CNDP1: variants seen among roughly 807,000 people sequenced by gnomAD.
The protein encoded by CNDP1 is carnosine dipeptidase 1.
Under a neutral mutation model 58.1 loss-of-function variants are expected in CNDP1, and 44 were observed. The observed-to-expected ratio is 0.76, with a 90% CI of 0.60 to 0.97. The LOEUF is 0.97. Ranked by LOEUF, CNDP1 falls within the 50% of genes least tolerant of loss-of-function variation. The pLI is 0.00. For synonymous variants in CNDP1, 254 were observed against 252.6 expected, an observed-to-expected ratio of 1.01 and a Z score of -0.05; for missense variants, 616 against 655.1, an observed-to-expected ratio of 0.94 and a Z score of 0.65.
intron 11 of CNDP1, 80 bp from the exon 12 acceptor site, chr18:74,584,416 G>C: frequency 1.0e-6 from 1 of 960,786 alleles, no homozygotes; most frequent in Non-Finnish European, 1.7e-6. Context: ...AAATCTTCCT[G>C]TCTAAATGAC....
chr18:74,578,261 C>T lies in CNDP1; in HGVS notation c.1101C>T (p.Gly367=). ...CTGGAACTAAAACAGTCATACCTGG[C>T]CGAGTTATAGGAAAATTTTCAATCC... The part of the protein sequence containing the change: ...DEPGTKTVIP[G]RVIGKFSIRL... Residue 367 remains glycine (G), a synonymous_variant, in exon 9 of 12, where the codon GGC becomes GGT. Transcript: ENST00000358821. 6.2e-7 allele frequency: 1 copy of T among 1,613,878 alleles called. No homozygotes were observed. The highest frequency in any genetic ancestry group is 1.1e-5 in the South Asian group (1 of 91,044).
Position 74,584,655 on chromosome 18 carries a change from T to G in CNDP1, c.*93T>G. On this transcript the variant is annotated 3_prime_UTR_variant, in exon 12 of 12. Transcript: ENST00000358821. ...ATGGAATGTAAATATCCAGAGAATT[T>G]GGGTCTAGTATAGTACATTTTCCCT... The G allele has an allele frequency of 9.9e-7, 1 of 1,007,078 alleles. No individual in the cohort carries two copies. The highest frequency in any genetic ancestry group is 1.6e-6 in the Non-Finnish European group (1 of 630,748). The allele number at this position is 1,007,078 out of a possible 1,614,324, so 62.4% of individuals were successfully genotyped here. A position where few individuals can be genotyped will look rare whatever the true frequency, so the allele number is the denominator to read the frequency against.
intron 7 of CNDP1, among the ~76,000 whole-genome samples, chr18:74,575,540 C>G (rs1392865257): frequency 6.6e-6 from 1 of 152,162 alleles, no homozygotes; most frequent in Admixed American, 6.5e-5. Context: ...TTTACTAAAT[C>G]TCAACATCTG....
At chr18:74,544,465 C>T (rs1980705723) in intron 1 of CNDP1, among the ~76,000 whole-genome samples, 2 of 151,838 alleles carry the variant, frequency 1.3e-5, no homozygotes, top group South Asian at 4.2e-4. Flanking sequence ...GCCTGTAATC[C>T]CAGCACTTTG....
At chr18:74,555,779 G>A (rs867251965) in intron 1 of CNDP1, among the ~76,000 whole-genome samples, 14 of 152,046 alleles carry the variant, frequency 9.2e-5, no homozygotes, top group South Asian at 4.2e-4. Flanking sequence ...CGCCCACCTC[G>A]ACCTCCCAAA....
chr18:74,536,476 T>C (rs530394012), intron 1 of CNDP1, among the ~76,000 whole-genome samples: 2 of 152,364 alleles, frequency 1.3e-5, no homozygotes, highest in African/African-American at 4.8e-5. Flanking sequence ...GATCTCATTC[T>C]TTTTTATGGC....
rs142460182 is a variant in CNDP1, at chr18:74,573,015, T to A, written c.841+1745T>A. On this transcript the variant is annotated intron_variant, in intron 7 of 11. Transcript: ENST00000358821. ...CATCATTTTTAGTTGCACAGCTTTC[T>A]CCTTCATTCTCCCAAACTGAATAAT... Among the ~76,000 whole-genome samples the A allele has an allele frequency of 5.9e-3, 894 of 152,258 alleles. 5 individuals are homozygous for A. The highest frequency in any genetic ancestry group is 0.017 in the Middle Eastern group (5 of 294).
rs552506967 is a variant in CNDP1, at chr18:74,559,992, C to T, written c.303+520C>T. On this transcript the variant is annotated intron_variant, in intron 3 of 11. Coordinates refer to ENST00000358821, the MANE Select transcript of CNDP1 (RefSeq NM_032649.6). ...CTAGGATTTGTCCACCTAATTTAAGCCAGTTGTCATCTGCATTCTTTTTTT... is the reference window on the plus strand; with the variant it reads ...CTAGGATTTGTCCACCTAATTTAAGTCAGTTGTCATCTGCATTCTTTTTTT... Among the ~76,000 whole-genome samples the T allele has an allele frequency of 7.2e-4, 106 of 146,216 alleles. 1 individual carries two copies. Among genetic ancestry groups the T allele is most frequent in the African/African-American group, 2.4e-3 (97 of 40,048 alleles).
At chr18:74,566,916 A>T (rs1981342852) in intron 5 of CNDP1, among the ~76,000 whole-genome samples, 1 of 152,246 alleles carries the variant, frequency 6.6e-6, no homozygotes, top group Non-Finnish European at 1.5e-5. Context: ...AAGAGGTTTA[A>T]TAGGACTTAC....
chr18:74,549,566 A>G (rs2144646050), intron 1 of CNDP1, among the ~76,000 whole-genome samples: 1 of 152,342 alleles, frequency 6.6e-6, no homozygotes, highest in East Asian at 1.9e-4. Context: ...AAGTTTGGGA[A>G]ATTTTCAGCC....
chr18:74,563,937 A>G (rs1981264450), intron 5 of CNDP1, among the ~76,000 whole-genome samples: 1 of 152,214 alleles, frequency 6.6e-6, no homozygotes, highest in Admixed American at 6.5e-5. Flanking sequence ...ATTGTTTGCT[A>G]GTTCAATGTT....
Position 74,584,863 on chromosome 18 carries a change from T to C in CNDP1, c.*301T>C, listed in dbSNP as rs759189279. On this transcript the variant is annotated 3_prime_UTR_variant, in exon 12 of 12. Coordinates refer to ENST00000358821, the MANE Select transcript of CNDP1 (RefSeq NM_032649.6). ...TTGGATTCCTTCAAACCTTTTAGCA[T>C]ATCTCCAACCTTGCAATTTGATTGG... is the stretch of plus-strand genomic sequence containing the variant. 1 of 291,416 alleles carries C rather than the reference T, an allele frequency of 3.4e-6. No homozygotes were observed. Among genetic ancestry groups the C allele is most frequent in the Non-Finnish European group, 6.5e-6 (1 of 154,834 alleles). 18.1% of individuals were successfully genotyped at this position (291,416 alleles called of 1,614,324 possible).
chr18:74,559,488 C>CATGGG lies in CNDP1; in HGVS notation c.303+16_303+17insATGGG, dbSNP rs779178764. The stretch of plus-strand genomic sequence containing the variant: ...TCCTCAGCAGGTGCTGTACGATTCC[C>CATGGG]TCCCACTGAGGGAGGTGCTACTTCT... On this transcript the variant is annotated intron_variant, in intron 3 of 11. Coordinates refer to ENST00000358821, the MANE Select transcript of CNDP1 (RefSeq NM_032649.6). 4.8e-5 allele frequency: 77 copies of CATGGG among 1,593,582 alleles called. No individual in the cohort carries two copies. The highest frequency in any genetic ancestry group is 4.5e-4 in the Admixed American group (26 of 57,256).
At chr18:74,544,692 T>C (rs56367298) in intron 1 of CNDP1, among the ~76,000 whole-genome samples, 25,672 of 140,332 alleles carry the variant, frequency 0.18, 2,406 homozygotes, top group Middle Eastern at 0.26. Flanking sequence ...GCACTCCAGC[T>C]TGGCAGCAGA....
chr18:74,580,417 T>C, intron 10 of CNDP1, 146 bp downstream of exon 10: 1 of 777,208 alleles, frequency 1.3e-6, no homozygotes, highest in Non-Finnish European at 2.1e-6. Context: ...GCATGCCATG[T>C]GCAGGGCACG....
chr18:74,579,041 C>G (rs1235825513), intron 9 of CNDP1, among the ~76,000 whole-genome samples: 1 of 152,070 alleles, frequency 6.6e-6, no homozygotes, highest in South Asian at 2.1e-4. Flanking sequence ...CCTTTATTGT[C>G]TTGTTAGCAC....
chr18:74,552,046 C>T (rs1215512215), intron 1 of CNDP1, among the ~76,000 whole-genome samples: 2 of 152,202 alleles, frequency 1.3e-5, no homozygotes, highest in Non-Finnish European at 2.9e-5. Context: ...ATCTGCCGCC[C>T]CTGGCTCCTG....
intron 9 of CNDP1, among the ~76,000 whole-genome samples, chr18:74,579,327 C>T (rs1278686560): frequency 6.9e-6 from 1 of 145,320 alleles, no homozygotes; most frequent in Non-Finnish European, 1.5e-5. Context: ...TTCCCCTCCC[C>T]TCTCCATCCC....
intron 1 of CNDP1, among the ~76,000 whole-genome samples, chr18:74,550,822 G>A (rs904050826): frequency 2.0e-5 from 3 of 151,440 alleles, no homozygotes; most frequent in African/African-American, 4.9e-5. Context: ...GGATGGTCTC[G>A]ATCTCCTGAC....
Sources: gnomAD v4.1 joint callset for allele counts (sites outside exome capture counted in the v4.1 genomes callset) on GRCh38, gnomAD v4.1.1 for gene constraint, MANE v1.5 for transcripts, NCBI Gene and HGNC (gene_info 2026-07-23, HGNC 2026-07-21) for gene names.